Variants in CACNA1E observed in about 807,000 individuals in gnomAD.
CACNA1E encodes the protein voltage-dependent R-type calcium channel subunit alpha-1E.
A neutral mutation model predicts 259.2 loss-of-function variants in CACNA1E; 40 were observed. The ratio of observed to expected loss-of-function variants is 0.15; its 90% CI spans 0.12 to 0.20. The LOEUF (loss-of-function observed/expected upper bound fraction) is 0.20, where lower values mean the gene tolerates loss of function less well. CACNA1E is among the 10% of genes least tolerant of loss of function. The pLI is 1.00. For missense variants in CACNA1E, 1,874 were observed against 3,040.1 expected (o/e 0.62, Z 9.02); for synonymous variants, 1,104 against 1,138.5 (o/e 0.97, Z 0.61).
intron 3 of CACNA1E, among the ~76,000 whole-genome samples, chr1:181,545,109 A>C (rs759136131): frequency 6.6e-6 from 1 of 152,142 alleles, no homozygotes. Flanking sequence ...CCAAAAAAAA[A>C]AGTCTTGCTA....
At chr1:181,457,329 A>G (rs1661525647) in intron 2 of CACNA1E, among the ~76,000 whole-genome samples, 1 of 152,270 alleles carries the variant, frequency 6.6e-6, no homozygotes, top group Admixed American at 6.5e-5. Context: ...GTGGGGGGTT[A>G]GGATTTCAAC....
At chr1:181,599,599 CT>C (rs1270220692) in intron 6 of CACNA1E, among the ~76,000 whole-genome samples, 1 of 152,224 alleles carries the variant, frequency 6.6e-6, no homozygotes, top group Non-Finnish European at 1.5e-5. Context: ...GCTCTGTTAA[CT>C]ACACTGTAAA....
At chr1:181,427,303 C>G (rs1659355495) in intron 2 of CACNA1E, among the ~76,000 whole-genome samples, 1 of 150,732 alleles carries the variant, frequency 6.6e-6, no homozygotes, top group Admixed American at 6.6e-5. Flanking sequence ...TCAACTCCTT[C>G]CCTATCTCTA....
At chr1:181,789,061 T>A (rs1332850466) in intron 43 of CACNA1E, among the ~76,000 whole-genome samples, 1 of 152,204 alleles carries the variant, frequency 6.6e-6, no homozygotes, top group Non-Finnish European at 1.5e-5. Context: ...AGGTCTTGCT[T>A]TGTTGCCCAG....
chr1:181,323,352 C>T (rs1650516899), intron 1 of CACNA1E, among the ~76,000 whole-genome samples: 1 of 152,158 alleles, frequency 6.6e-6, no homozygotes, highest in African/African-American at 2.4e-5. Context: ...GGTCTTGTTC[C>T]AATCCATACT....
Position 181,783,665 on chromosome 1 carries a change from TC to T in CACNA1E, c.5365-13del. The T allele has an allele frequency of 6.6e-7, 1 of 1,518,678 alleles. No homozygotes were observed. The highest frequency in any genetic ancestry group is 9.0e-7 in the Non-Finnish European group (1 of 1,106,186). The allele number at this position is 1,518,678 out of a possible 1,614,324, so 94.1% of individuals were successfully genotyped here. ...TTTTTTTTGCCTGCTGTTTCTTTTT[TC>T]TCTTTCACACAGAGGTTGGTCCTGA... On this transcript the variant is annotated splice_polypyrimidine_tract_variant and intron_variant, in intron 39 of 47. Coordinates refer to ENST00000367573, the MANE Select transcript of CACNA1E (RefSeq NM_001205293.3).
At chr1:181,466,660 C>T (rs985793150) in intron 2 of CACNA1E, among the ~76,000 whole-genome samples, 17 of 152,216 alleles carry the variant, frequency 1.1e-4, no homozygotes, top group Non-Finnish European at 2.4e-4. Context: ...TATGGGACAG[C>T]TGCAATTTCA....
chr1:181,413,378 A>G (rs1409447506), exon 2 of CACNA1E: 3 of 152,642 alleles, frequency 2.0e-5, no homozygotes, highest in Non-Finnish European at 2.9e-5. Flanking sequence ...TGGCTTCGAC[A>G]ACTTCTTCCA....
intron 25 of CACNA1E, among the ~76,000 whole-genome samples, chr1:181,750,017 A>G (rs1248253354): frequency 6.6e-6 from 1 of 152,274 alleles, no homozygotes; most frequent in African/African-American, 2.4e-5. Context: ...AGTGTGTGAG[A>G]GAATTTCTGG....
intron 3 of CACNA1E, 103 bp from the exon 4 acceptor site, chr1:181,577,657 CAGCGCT>C: frequency 1.6e-6 from 1 of 644,192 alleles, no homozygotes. Flanking sequence ...CAGCTGGCGT[CAGCGCT>C]GTGTGCTTTC....
chr1:181,673,222 ATGTG>A (rs55948135), intron 7 of CACNA1E, among the ~76,000 whole-genome samples: 3 of 150,996 alleles, frequency 2.0e-5, no homozygotes, highest in African/African-American at 4.9e-5. Flanking sequence ...GTATATGAGT[ATGTG>A]TGTGTGTGTG....
chr1:181,716,581 T>C (rs561657110), intron 10 of CACNA1E, among the ~76,000 whole-genome samples: 3 of 152,348 alleles, frequency 2.0e-5, no homozygotes, highest in African/African-American at 7.2e-5. Flanking sequence ...CTAATTCTGA[T>C]TGGCAATTAT....
intron 25 of CACNA1E, among the ~76,000 whole-genome samples, chr1:181,744,017 C>T (rs1172176941): frequency 6.6e-6 from 1 of 152,262 alleles, no homozygotes; most frequent in African/African-American, 2.4e-5. Flanking sequence ...GAGGTCAGGA[C>T]TCCCTGGCAC....
At chr1:181,698,369 G>T (rs1386379584) in intron 7 of CACNA1E, among the ~76,000 whole-genome samples, 1 of 152,224 alleles carries the variant, frequency 6.6e-6, no homozygotes, top group Non-Finnish European at 1.5e-5. Context: ...ATCTGTTGAA[G>T]ATCTACCATA....
chr1:181,584,512 G>A (rs1043144199), intron 6 of CACNA1E, among the ~76,000 whole-genome samples: 4 of 152,164 alleles, frequency 2.6e-5, no homozygotes, highest in Non-Finnish European at 5.9e-5. Flanking sequence ...GACTGTGGCT[G>A]TCTTTTAAGT....
At chr1:181,542,323 A>C (rs901179854) in intron 3 of CACNA1E, among the ~76,000 whole-genome samples, 2 of 152,224 alleles carry the variant, frequency 1.3e-5, no homozygotes, top group Non-Finnish European at 2.9e-5. Context: ...ATAGATAATT[A>C]AAGCAAAAAA....
Position 181,802,073 on chromosome 1 carries a change from G to A in CACNA1E, c.*3239G>A, listed in dbSNP as rs1662317084. On this transcript the variant is annotated 3_prime_UTR_variant, in exon 48 of 48. Coordinates refer to ENST00000367573, the MANE Select transcript of CACNA1E (RefSeq NM_001205293.3). ...ATCTCCTAGAGGACAGAGTGCCAGC[G>A]ACCTCTGGACAGGGGCAGGGCTCCA... The A allele has an allele frequency of 1.3e-5, 2 of 152,170 alleles. No homozygotes were observed. The highest frequency in any genetic ancestry group is 4.8e-5 in the African/African-American group (2 of 41,440). The allele number at this position is 152,170 out of a possible 1,614,324, so 9.4% of individuals were successfully genotyped here.
At position 181,580,585 on chromosome 1, in the gene CACNA1E, G is replaced by T; in HGVS notation, c.770-10G>T. The T allele has an allele frequency of 6.2e-7, 1 of 1,613,368 alleles. No homozygotes were observed. The highest frequency in any genetic ancestry group is 8.5e-7 in the Non-Finnish European group (1 of 1,179,306). ...GTGATTTATCTCCTACCCTCCAAATGTGTCTGCAGGTATTCTAGAAGGATT... is the reference window on the plus strand; with the variant it reads ...GTGATTTATCTCCTACCCTCCAAATTTGTCTGCAGGTATTCTAGAAGGATT... On this transcript the variant is annotated splice_polypyrimidine_tract_variant and intron_variant, in intron 5 of 47. Coordinates refer to ENST00000367573, the MANE Select transcript of CACNA1E (RefSeq NM_001205293.3).
chr1:181,613,885 TGCCTCTTGGTTG>T (rs1488003825), intron 6 of CACNA1E, among the ~76,000 whole-genome samples: 2 of 152,252 alleles, frequency 1.3e-5, no homozygotes, highest in Non-Finnish European at 2.9e-5. Context: ...ACTCCTCTGC[TGCCTCTTGGTTG>T]GTAGCAGCTG....
Sources: gnomAD v4.1 joint callset for allele counts (sites outside exome capture counted in the v4.1 genomes callset) on GRCh38, gnomAD v4.1.1 for gene constraint, MANE v1.5 for transcripts, NCBI Gene and HGNC (gene_info 2026-07-23, HGNC 2026-07-21) for gene names.